Variants in SLC24A2 observed in about 807,000 individuals in gnomAD.
SLC24A2 encodes the protein solute carrier family 24 member 2.
Under a neutral mutation model 62.0 loss-of-function variants are expected in SLC24A2, and 36 were observed. The observed-to-expected ratio is 0.58, with a 90% CI of 0.44 to 0.77. The LOEUF (loss-of-function observed/expected upper bound fraction) is 0.77, where lower values mean the gene tolerates loss of function less well. Among genes scored for constraint, SLC24A2 ranks in the 30% least tolerant of loss-of-function variants. SLC24A2 has a pLI of 0.00. For missense variants in SLC24A2, 846 were observed against 817.9 expected, an observed-to-expected ratio of 1.03 and a Z score of -0.42; for synonymous variants, 358 against 294.0, an observed-to-expected ratio of 1.22 and a Z score of -2.23.
At chr9:19,787,323 G>C (rs1270278284) in intron 1 of SLC24A2, among the ~76,000 whole-genome samples, 1 of 152,196 alleles carries the variant, frequency 6.6e-6, no homozygotes, top group African/African-American at 2.4e-5. Flanking sequence ...AGAGAAGGCA[G>C]ATGTAAGAAT....
intron 2 of SLC24A2, among the ~76,000 whole-genome samples, chr9:19,765,326 T>C (rs1003326271): frequency 5.3e-5 from 8 of 152,342 alleles, no homozygotes; most frequent in African/African-American, 1.7e-4. Flanking sequence ...TGTGTGAATC[T>C]GATCCTGCCA....
rs574655617 is a variant in SLC24A2, at chr9:19,721,138, C to T, written c.930+64799G>A. Among the ~76,000 whole-genome samples the T allele has an allele frequency of 1.6e-4, 25 of 152,138 alleles. No individual in the cohort carries two copies. In the East Asian group the frequency reaches 4.6e-3, roughly 28 times the overall value. ...CAAAGTAATGGGATTTAAAATTCCT[C>T]AGAATAAACTAAAAAGAAAGAAAGA... On this transcript the variant is annotated intron_variant, in intron 2 of 10. Coordinates refer to ENST00000341998, the MANE Select transcript of SLC24A2 (RefSeq NM_020344.4).
chr9:19,785,209 C>T (rs1823127113), intron 2 of SLC24A2, among the ~76,000 whole-genome samples: 1 of 152,218 alleles, frequency 6.6e-6, no homozygotes, highest in Non-Finnish European at 1.5e-5. Flanking sequence ...TTTCCACTCA[C>T]CTAAGTGGTA....
chr9:19,723,954 T>C (rs1021298388), intron 2 of SLC24A2, among the ~76,000 whole-genome samples: 6 of 152,132 alleles, frequency 3.9e-5, no homozygotes, highest in Admixed American at 2.6e-4. Flanking sequence ...TTATTAAAAT[T>C]TACATTTGTT....
the SLC24A2 span, among the ~76,000 whole-genome samples, chr9:19,931,974 A>T: frequency 6.6e-6 from 1 of 151,986 alleles, no homozygotes; most frequent in Non-Finnish European, 1.5e-5. Context: ...CCCATGTAGA[A>T]AGAGAATTAG....
At chr9:20,054,562 GT>G in the SLC24A2 span, among the ~76,000 whole-genome samples, 3 of 152,132 alleles carry the variant, frequency 2.0e-5, no homozygotes, top group East Asian at 3.9e-4. Context: ...CCAAAGTGTA[GT>G]TTTTTATACC....
chr9:19,730,207 T>C (rs913215849), intron 2 of SLC24A2, among the ~76,000 whole-genome samples: 3 of 152,160 alleles, frequency 2.0e-5, no homozygotes, highest in African/African-American at 7.2e-5. Flanking sequence ...TTGCCTTTAA[T>C]GTAGAATGAG....
At chr9:19,812,783 AT>A in the SLC24A2 span, among the ~76,000 whole-genome samples, 148,351 of 151,718 alleles carry the variant, frequency 0.98, 72,607 homozygotes, top group East Asian at 1. Flanking sequence ...AGTATTCACC[AT>A]TTTTTTTTGA....
intron 2 of SLC24A2, among the ~76,000 whole-genome samples, chr9:19,697,293 G>A (rs989967031): frequency 3.9e-5 from 6 of 152,240 alleles, no homozygotes; most frequent in South Asian, 2.1e-4. Context: ...GGGGTGCAGC[G>A]GGAGGGAGAG....
chr9:20,011,281 G>T, the SLC24A2 span, among the ~76,000 whole-genome samples: 1 of 152,096 alleles, frequency 6.6e-6, no homozygotes, highest in Admixed American at 6.5e-5. Flanking sequence ...GTTGTTTCCT[G>T]ATTTTTTAAT....
the SLC24A2 span, among the ~76,000 whole-genome samples, chr9:20,016,464 A>G: frequency 2.0e-5 from 3 of 152,326 alleles, no homozygotes; most frequent in East Asian, 5.8e-4. Context: ...TTTCCTGAGT[A>G]TGTTTTGCTT....
chr9:19,978,918 T>A, the SLC24A2 span, among the ~76,000 whole-genome samples: 77 of 152,270 alleles, frequency 5.1e-4, no homozygotes, highest in African/African-American at 1.8e-3. Flanking sequence ...AATGCCTATA[T>A]CCTGGTGGAA....
chr9:20,175,017 T>TATATA, the SLC24A2 span, among the ~76,000 whole-genome samples: 3 of 147,806 alleles, frequency 2.0e-5, no homozygotes, highest in Non-Finnish European at 3.0e-5. Flanking sequence ...TCTGAATTTT[T>TATATA]TATATATATA....
the SLC24A2 span, among the ~76,000 whole-genome samples, chr9:20,196,409 TA>T: frequency 6.6e-6 from 1 of 152,230 alleles, no homozygotes; most frequent in East Asian, 1.9e-4. Context: ...TAATGCCACA[TA>T]GGCTGGATAT....
intron 7 of SLC24A2, among the ~76,000 whole-genome samples, chr9:19,569,128 G>A (rs1328910668): frequency 3.3e-5 from 5 of 152,074 alleles, no homozygotes; most frequent in Admixed American, 2.0e-4. Context: ...AACGTTTTCT[G>A]TAAAGGGCCA....
At chr9:20,263,433 G>A in the SLC24A2 span, among the ~76,000 whole-genome samples, 1 of 152,210 alleles carries the variant, frequency 6.6e-6, no homozygotes, top group East Asian at 1.9e-4. Context: ...ATTTTTTGTA[G>A]AGACTGGGTC....
intron 8 of SLC24A2, among the ~76,000 whole-genome samples, chr9:19,546,004 C>G (rs1038912285): frequency 6.6e-6 from 1 of 152,174 alleles, no homozygotes; most frequent in African/African-American, 2.4e-5. Context: ...CACTCCAGAC[C>G]CTGTTTGCCT....
the SLC24A2 span, among the ~76,000 whole-genome samples, chr9:20,238,136 C>T: frequency 6.6e-6 from 1 of 152,276 alleles, no homozygotes; most frequent in East Asian, 1.9e-4. Context: ...CTGTTCCTGC[C>T]TATTCAGATT....
intron 2 of SLC24A2, among the ~76,000 whole-genome samples, chr9:19,678,857 T>TA (rs977949220): frequency 6.6e-6 from 1 of 152,156 alleles, no homozygotes; most frequent in South Asian, 2.1e-4. Context: ...CTAGGTGGGA[T>TA]AAAAAAATCA....
Sources: gnomAD v4.1 joint callset for allele counts (sites outside exome capture counted in the v4.1 genomes callset) on GRCh38, gnomAD v4.1.1 for gene constraint, MANE v1.5 for transcripts, NCBI Gene and HGNC (gene_info 2026-07-23, HGNC 2026-07-21) for gene names.